Variants in S100B observed in about 807,000 individuals in gnomAD.
S100B encodes protein S100-B.
In S100B, 6 loss-of-function variants were observed where a neutral mutation model predicts 7.7. That is an observed-to-expected ratio of 0.78 (90% confidence interval 0.43 to 1.54). The LOEUF (loss-of-function observed/expected upper bound fraction) is 1.54. Ranked by LOEUF, S100B falls within the 40% of genes most tolerant of loss-of-function variation. S100B has a pLI of 0.01. For missense variants in S100B, 99 were observed against 111.8 expected, an observed-to-expected ratio of 0.89 and a Z score of 0.52; for synonymous variants, 36 against 40.4, an observed-to-expected ratio of 0.89 and a Z score of 0.41.
chr21:46,603,535 G>T (rs987109944), intron 1 of S100B, among the ~76,000 whole-genome samples: 2 of 152,178 alleles, frequency 1.3e-5, no homozygotes, highest in African/African-American at 4.8e-5. Context: ...ATTTTACAAA[G>T]GTTGCCTTGT....
chr21:46,599,944 C>G (rs1039468983), intron 2 of S100B, among the ~76,000 whole-genome samples: 23 of 152,184 alleles, frequency 1.5e-4, no homozygotes, highest in South Asian at 1.2e-3. Flanking sequence ...GCTGAAGTAA[C>G]TCTTGGGAAC....
In S100B at chr21:46,598,618, C is replaced by G. The variant is rs970623428; in HGVS notation, c.*745G>C. 7.2e-5 allele frequency among the ~76,000 whole-genome samples: 11 copies of G among 152,232 alleles called. No individual in the cohort carries two copies. Among genetic ancestry groups the G allele is most frequent in the African/African-American group, 2.2e-4 (9 of 41,468 alleles). ...CTGCCTCGGCCTCCCAAGCTGCGCT[C>G]TTTTTATTGAACGCAGGCCCTCGCG... On this transcript the variant is annotated 3_prime_UTR_variant, in exon 3 of 3. Transcript: ENST00000291700.
rs1452358709 is a variant in S100B at position 46,598,679 on chromosome 21, GC to G, written c.*683del. 6.6e-6 allele frequency among the ~76,000 whole-genome samples: 1 copy of G among 152,226 alleles called. No individual in the cohort carries two copies. Among genetic ancestry groups the G allele is most frequent in the Admixed American group, 6.5e-5 (1 of 15,290 alleles). On this transcript the variant is annotated 3_prime_UTR_variant, in exon 3 of 3. Coordinates refer to ENST00000291700, the MANE Select transcript of S100B (RefSeq NM_006272.3). Reference sequence around the variant, plus strand: ...GCCCCCGGTAGTGCCCTCGGAAGCCGCATGTGCTGGAGGCACGTTGGAGGCA... The same window carrying G: ...GCCCCCGGTAGTGCCCTCGGAAGCCGATGTGCTGGAGGCACGTTGGAGGCA...
chr21:46,600,145 T>C, intron 2 of S100B: 1 of 257,028 alleles, frequency 3.9e-6, no homozygotes, highest in South Asian at 3.7e-5. Context: ...AATTTGGGTA[T>C]TGAACACTGA....
At chr21:46,600,225 T>C (rs994893447) in intron 2 of S100B, 1 of 312,402 alleles carries the variant, frequency 3.2e-6, no homozygotes, top group Non-Finnish European at 6.3e-6. Flanking sequence ...TCAAGTGTAA[T>C]GTACAACAGC....
rs2061034202 is a variant in S100B, at chr21:46,599,092, C to T, written c.*271G>A. The stretch of plus-strand genomic sequence containing the variant: ...GCGGGCTGCACGGTGCACGCTTTAT[C>T]ACTGAGACCTGACTCCTAAGTTACT... On this transcript the variant is annotated 3_prime_UTR_variant, in exon 3 of 3. Transcript: ENST00000291700. 2.1e-6 allele frequency: 1 copy of T among 478,338 alleles called. No homozygotes were observed. Among genetic ancestry groups the T allele is most frequent in the Admixed American group, 3.9e-5 (1 of 25,426 alleles). 29.6% of individuals were successfully genotyped at this position (478,338 alleles called of 1,614,324 possible). A position where few individuals can be genotyped will look rare whatever the true frequency, so the allele number is the denominator to read the frequency against.
Position 46,599,361 on chromosome 21 carries a change from TC to T in S100B, c.*1del. ...CAGGAAAGGTTTGGCTGCTTTCTAA[TC>T]TCACTCATGTTCAAAGAACTCGTGG... is the stretch of plus-strand genomic sequence containing the variant. On this transcript the variant is annotated 3_prime_UTR_variant, in exon 3 of 3. Coordinates refer to ENST00000291700, the MANE Select transcript of S100B (RefSeq NM_006272.3). 1 of 1,613,414 alleles carries T rather than the reference TC, an allele frequency of 6.2e-7. No individual in the cohort carries two copies. The highest frequency in any genetic ancestry group is 8.5e-7 in the Non-Finnish European group (1 of 1,179,792).
In S100B at chr21:46,603,392, A is replaced by AGGGGGTGGGGGGAGGGGGGGGCGGGG. The variant is rs796474856; in HGVS notation, c.-1-977_-1-976insCCCCGCCCCCCCCTCCCCCCACCCCC. Among the ~76,000 whole-genome samples, 299 of 38,194 alleles carry AGGGGGTGGGGGGAGGGGGGGGCGGGG rather than the reference A, an allele frequency of 7.8e-3. 11 individuals carry two copies. Among genetic ancestry groups the AGGGGGTGGGGGGAGGGGGGGGCGGGG allele is most frequent in the Non-Finnish European group, 0.011 (233 of 20,358 alleles). The allele number at this position is 38,194 out of a possible 152,430, so 25.1% of individuals were successfully genotyped here. On this transcript the variant is annotated intron_variant, in intron 1 of 2. Transcript: ENST00000291700. ...TCACTGCAGTGACTGGGACGGCGGG[A>AGGGGGTGGGGGGAGGGGGGGGCGGGG]GGGGGTGGGGGCAGGAATAGGTGTT...
chr21:46,601,325 C>T (rs751617657), intron 2 of S100B, among the ~76,000 whole-genome samples: 1 of 152,176 alleles, frequency 6.6e-6, no homozygotes, highest in Non-Finnish European at 1.5e-5. Flanking sequence ...TGTGATTGCT[C>T]ATATCAGTGA....
At position 46,599,315 on chromosome 21, in the gene S100B, C is replaced by G; in HGVS notation, c.*48G>C. ...GCTGCAAGCCCTTGCTGTCTGCTTT[C>G]TTGCATGACCGTCTCTGTTACAGGA... is the stretch of plus-strand genomic sequence containing the variant. On this transcript the variant is annotated 3_prime_UTR_variant, in exon 3 of 3. Coordinates refer to ENST00000291700, the MANE Select transcript of S100B (RefSeq NM_006272.3). 1.9e-6 allele frequency: 3 copies of G among 1,586,796 alleles called. No individual in the cohort carries two copies. Among genetic ancestry groups the G allele is most frequent in the Non-Finnish European group, 2.6e-6 (3 of 1,161,176 alleles).
intron 2 of S100B, among the ~76,000 whole-genome samples, chr21:46,600,088 G>C (rs546307118): frequency 1.3e-5 from 2 of 152,352 alleles, no homozygotes; most frequent in African/African-American, 4.8e-5. Context: ...GATGTGCACA[G>C]CCTCAGAGGA....
At chr21:46,603,393 G>GGGGGGGGGCGGGGT in intron 1 of S100B, among the ~76,000 whole-genome samples, 1 of 57,532 alleles carries the variant, frequency 1.7e-5, no homozygotes, top group Non-Finnish European at 4.2e-5. Flanking sequence ...GACGGCGGGA[G>GGGGGGGGGCGGGGT]GGGGTGGGGG....
intron 1 of S100B, among the ~76,000 whole-genome samples, chr21:46,603,858 T>C (rs1316149164): frequency 2.0e-5 from 3 of 152,264 alleles, no homozygotes; most frequent in African/African-American, 7.2e-5. Context: ...AAAAATTTGA[T>C]AATTCACAAA....
intron 1 of S100B, chr21:46,602,958 G>T (rs930603706): frequency 6.5e-6 from 1 of 152,804 alleles, no homozygotes; most frequent in Non-Finnish European, 1.5e-5. Flanking sequence ...AAAATACAGT[G>T]CAAAATATCC....
At chr21:46,600,618 G>A (rs2061038942) in intron 2 of S100B, among the ~76,000 whole-genome samples, 1 of 152,146 alleles carries the variant, frequency 6.6e-6, no homozygotes, top group Non-Finnish European at 1.5e-5. Context: ...GGCACCTGTG[G>A]ATGGGCAGGA....
At position 46,599,181 on chromosome 21, in the gene S100B, G is replaced by A; in HGVS notation, c.*182C>T. On this transcript the variant is annotated 3_prime_UTR_variant, in exon 3 of 3. Transcript: ENST00000291700. ...GGCCTAATATAGCAGAAAGAATGAT[G>A]CAGGCCGTTAAAACAGCCTTTGGAA... 1.6e-6 allele frequency: 1 copy of A among 618,024 alleles called. No homozygotes were observed. 38.3% of individuals were successfully genotyped at this position (618,024 alleles called of 1,614,324 possible).
intron 1 of S100B, among the ~76,000 whole-genome samples, chr21:46,603,398 T>TGGGGGGTGGGGGGGGCGGGGGGGGGGGGC: frequency 1.9e-5 from 1 of 52,070 alleles, no homozygotes; most frequent in African/African-American, 7.1e-5. Flanking sequence ...CGGGAGGGGG[T>TGGGGGGTGGGGGGGGCGGGGGGGGGGGGC]GGGGGCAGGA....
At chr21:46,604,665 C>A (rs1234271474) in intron 1 of S100B, among the ~76,000 whole-genome samples, 2 of 152,212 alleles carry the variant, frequency 1.3e-5, no homozygotes, top group East Asian at 3.9e-4. Flanking sequence ...ATTTTTAGCC[C>A]CAGTGGGAAG....
intron 2 of S100B, among the ~76,000 whole-genome samples, chr21:46,600,555 A>C (rs773261169): frequency 4.6e-5 from 7 of 152,154 alleles, no homozygotes; most frequent in Non-Finnish European, 1.0e-4. Flanking sequence ...AAAAACTAAA[A>C]AAGTAAACAA....
Sources: allele counts gnomAD v4.1 joint callset (sites outside exome capture counted in the v4.1 genomes callset), GRCh38; gene constraint gnomAD v4.1.1; transcripts MANE v1.5; gene names NCBI Gene and HGNC (gene_info 2026-07-23, HGNC 2026-07-21).